HOXA3: variants seen among roughly 807,000 people sequenced by gnomAD.
The protein encoded by HOXA3 is homeobox A3.
In HOXA3, 8 loss-of-function variants were observed where a neutral mutation model predicts 30.3. The observed-to-expected ratio is 0.26, with a 90% CI of 0.15 to 0.48. The LOEUF (loss-of-function observed/expected upper bound fraction) is 0.48. Ranked by LOEUF, HOXA3 falls within the 20% of genes least tolerant of loss-of-function variation. The pLI, the probability that HOXA3 is intolerant of heterozygous loss-of-function variation, is 0.99. For missense variants in HOXA3, 653 were observed against 614.4 expected, an observed-to-expected ratio of 1.06 and a Z score of -0.66; for synonymous variants, 323 against 273.1, an observed-to-expected ratio of 1.18 and a Z score of -1.80.
At chr7:27,143,161 G>T in intron 1 of HOXA3, 2 of 1,609,724 alleles carry the variant, frequency 1.2e-6, no homozygotes, top group East Asian at 4.5e-5. Context: ...CGTCCTCCTC[G>T]GCTCCGGACG....
At chr7:27,112,201 T>A (rs1296369174) in intron 4 of HOXA3, among the ~76,000 whole-genome samples, 2 of 152,178 alleles carry the variant, frequency 1.3e-5, no homozygotes, top group Admixed American at 6.5e-5. Context: ...ACACTCAGAA[T>A]CTTAGTCCCT....
intron 5 of HOXA3, among the ~76,000 whole-genome samples, chr7:27,109,032 GC>G (rs200680261): frequency 0.014 from 2,087 of 152,210 alleles, 26 homozygotes; most frequent in Admixed American, 0.02. Flanking sequence ...GGTCCCTTTG[GC>G]CTATCGGACA....
chr7:27,112,345 T>A (rs1050267215), intron 4 of HOXA3, among the ~76,000 whole-genome samples: 3 of 152,246 alleles, frequency 2.0e-5, no homozygotes, highest in African/African-American at 7.2e-5. Context: ...AAAAAAAAGA[T>A]AATGTATTGC....
At chr7:27,131,143 C>T (rs2128055357) in intron 2 of HOXA3, among the ~76,000 whole-genome samples, 1 of 152,310 alleles carries the variant, frequency 6.6e-6, no homozygotes, top group Non-Finnish European at 1.5e-5. Context: ...TCTCGGGAGC[C>T]CTCTGCCTGC....
intron 2 of HOXA3, chr7:27,130,215 G>A (rs762459096): frequency 2.6e-5 from 40 of 1,522,670 alleles, no homozygotes; most frequent in Non-Finnish European, 5.3e-6. Flanking sequence ...GCGGGCACGC[G>A]GGGGCGCTGC....
intron 1 of HOXA3, chr7:27,145,471 T>G (rs1030886905): frequency 1.4e-6 from 1 of 735,808 alleles, no homozygotes; most frequent in Non-Finnish European, 2.2e-6. Context: ...TGTTTTGTTT[T>G]GTTTTGTTTT....
chr7:27,145,691 G>C, intron 1 of HOXA3: 2 of 1,614,160 alleles, frequency 1.2e-6, no homozygotes, highest in Non-Finnish European at 8.5e-7. Flanking sequence ...AGTCCTCCCC[G>C]CTGGGCTGCG....
At chr7:27,150,228 G>GGGTCTGCGATGGTGAGAAT (rs1782923447) in intron 1 of HOXA3, 1 of 152,064 alleles carries the variant, frequency 6.6e-6, no homozygotes, top group Non-Finnish European at 1.5e-5. Context: ...ACCCTCCAAA[G>GGGTCTGCGATGGTGAGAAT]GGCCTCTCCT....
At chr7:27,146,253 G>T (rs1408250526) in intron 1 of HOXA3, among the ~76,000 whole-genome samples, 1 of 83,490 alleles carries the variant, frequency 1.2e-5, no homozygotes, top group Non-Finnish European at 2.6e-5. Context: ...GTGTGTGTTT[G>T]TGTGTGTGTG....
chr7:27,130,547 C>T (rs749259137), intron 2 of HOXA3: 2 of 1,387,824 alleles, frequency 1.4e-6, no homozygotes, highest in South Asian at 1.7e-5. Context: ...CCGCCGCCCG[C>T]GTGAGGGAGC....
chr7:27,147,532 T>A (rs758481176), intron 1 of HOXA3: 1 of 1,614,214 alleles, frequency 6.2e-7, no homozygotes, highest in Non-Finnish European at 8.5e-7. Context: ...GGCCCCGTAC[T>A]CGTAGGACGC....
In HOXA3 at chr7:27,110,701, A is replaced by G; in HGVS notation, c.-61T>C. 1 of 1,582,878 alleles carries G rather than the reference A, an allele frequency of 6.3e-7. No individual in the cohort carries two copies. Among genetic ancestry groups the G allele is most frequent in the South Asian group, 1.1e-5 (1 of 90,378 alleles). On this transcript the variant is annotated 5_prime_UTR_variant, in exon 5 of 6. Transcript: ENST00000612286. ...AGGGGTTTGACACCCGTGAGGGCGC[A>G]CATTGGCACGCCCCCGCGGTCACGT...
intron 1 of HOXA3, chr7:27,141,766 A>C: frequency 6.5e-7 from 1 of 1,548,462 alleles, no homozygotes; most frequent in Non-Finnish European, 8.7e-7. Context: ...GGAGTTTCAG[A>C]AAGTCACCTT....
chr7:27,146,993 C>A (rs1425867288), intron 1 of HOXA3, among the ~76,000 whole-genome samples: 1 of 152,118 alleles, frequency 6.6e-6, no homozygotes, highest in Non-Finnish European at 1.5e-5. Flanking sequence ...GGTGCATGGA[C>A]AGGCTGTCCC....
intron 2 of HOXA3, chr7:27,130,919 T>C (rs1583397803): frequency 1.6e-6 from 1 of 607,900 alleles, no homozygotes; most frequent in Non-Finnish European, 2.9e-6. Flanking sequence ...GAGCCGCTCC[T>C]CCCCAGCCCA....
chr7:27,129,497 C>T (rs1785426300), intron 2 of HOXA3: 5 of 1,614,006 alleles, frequency 3.1e-6, no homozygotes. Flanking sequence ...AACTCCTTCT[C>T]CAGCTCCAAG....
intron 4 of HOXA3, among the ~76,000 whole-genome samples, chr7:27,120,104 G>T (rs1269665393): frequency 6.6e-6 from 1 of 151,928 alleles, no homozygotes; most frequent in African/African-American, 2.4e-5. Context: ...TTCACACTGA[G>T]CTCTCCAGAT....
rs1432514238 is a variant in HOXA3, at chr7:27,122,644, T to G, written c.-204-2A>C. The G allele has an allele frequency of 6.6e-6, 1 of 152,184 alleles. No homozygotes were observed. The highest frequency in any genetic ancestry group is 1.5e-5 in the Non-Finnish European group (1 of 68,054). The allele number at this position is 152,184 out of a possible 1,614,324, so 9.4% of individuals were successfully genotyped here. On this transcript the variant is annotated splice_acceptor_variant, in intron 3 of 5. Transcript: ENST00000612286. LOFTEE classifies it low-confidence loss of function (5UTR_SPLICE). ...CGCCTTTTCCGGTGTCCAGGCGCTC[T>G]GCAGACAAATAAACAGCAGAAGGTG...
At position 27,110,463 on chromosome 7, in the gene HOXA3, C is replaced by A. The variant is rs781519766; in HGVS notation, c.178G>T (p.Gly60Cys). 4 of 1,593,730 alleles carry A rather than the reference C, an allele frequency of 2.5e-6. No homozygotes were observed. The highest frequency in any genetic ancestry group is 3.4e-6 in the Non-Finnish European group (4 of 1,168,110). Residue 60 changes from glycine to cysteine, a missense_variant, in exon 5 of 6, where the codon GGC becomes TGC. By Grantham distance (159) the Gly-to-Cys change is radical. Coordinates refer to ENST00000612286, the MANE Select transcript of HOXA3 (RefSeq NM_153631.3). ...CTCAGTTCGTGTGCCTTGGGGTGGC[C>A]CCCGGCGCTGGAGGGAGACTGGAGG... is the stretch of plus-strand genomic sequence containing the variant. ...CSLQSPSSAG[G>C]HPKAHELSEA...
Sources: gnomAD v4.1 joint callset for allele counts (sites outside exome capture counted in the v4.1 genomes callset) on GRCh38, gnomAD v4.1.1 for gene constraint, MANE v1.5 for transcripts, NCBI Gene and HGNC (gene_info 2026-07-23, HGNC 2026-07-21) for gene names.